SOS1: variants seen among roughly 807,000 people sequenced by gnomAD.
SOS1 encodes SOS Ras/Rac guanine nucleotide exchange factor 1, also known as son of sevenless homolog 1.
In SOS1, 25 loss-of-function variants were observed where a neutral mutation model predicts 157.6. That is an observed-to-expected ratio of 0.16 (90% CI 0.12 to 0.22). The LOEUF (loss-of-function observed/expected upper bound fraction) is 0.22. Ranked by LOEUF, SOS1 falls within the 10% of genes least tolerant of loss-of-function variation. The pLI is 1.00. For missense variants in SOS1, 1,237 were observed against 1,599.1 expected (o/e 0.77, Z 3.86); for synonymous variants, 528 against 534.0 (o/e 0.99, Z 0.16).
chr2:39,068,445 G>A (rs572863859), intron 1 of SOS1, among the ~76,000 whole-genome samples: 50 of 152,284 alleles, frequency 3.3e-4, no homozygotes, highest in Non-Finnish European at 5.9e-4. Flanking sequence ...GCCTCTGACT[G>A]TTGTTTAACT....
At chr2:39,092,249 G>C (rs977730460) in intron 1 of SOS1, among the ~76,000 whole-genome samples, 4 of 152,044 alleles carry the variant, frequency 2.6e-5, no homozygotes, top group African/African-American at 9.7e-5. Flanking sequence ...ACTCAGGCTG[G>C]AGTGTAGTGG....
chr2:39,038,545 C>A (rs1446745307), intron 6 of SOS1, among the ~76,000 whole-genome samples: 3 of 151,288 alleles, frequency 2.0e-5, no homozygotes, highest in African/African-American at 7.3e-5. Context: ...ACCATCCTGG[C>A]CAACATGGTG....
In SOS1 at chr2:39,120,543, T is replaced by A; in HGVS notation, c.-121A>T. 9.3e-7 allele frequency: 1 copy of A among 1,073,264 alleles called. No homozygotes were observed. Among genetic ancestry groups the A allele is most frequent in the Non-Finnish European group, 1.1e-6 (1 of 886,166 alleles). The allele number at this position is 1,073,264 out of a possible 1,614,324, so 66.5% of individuals were successfully genotyped here. ...GGCCCCACCGGACGGCCCGGCCCCCTCCGGGCGCCGCGCAGCCGGGCTAGC... is the reference window on the plus strand; with the variant it reads ...GGCCCCACCGGACGGCCCGGCCCCCACCGGGCGCCGCGCAGCCGGGCTAGC... On this transcript the variant is annotated 5_prime_UTR_variant, in exon 1 of 23. Transcript: ENST00000402219.
intron 1 of SOS1, among the ~76,000 whole-genome samples, chr2:39,073,044 T>C (rs780398317): frequency 6.6e-6 from 1 of 152,218 alleles, no homozygotes; most frequent in South Asian, 2.1e-4. Context: ...ATTTCACATG[T>C]AGGCAGAATA....
chr2:39,113,731 G>A (rs1382079878), intron 1 of SOS1, among the ~76,000 whole-genome samples: 1 of 152,098 alleles, frequency 6.6e-6, no homozygotes, highest in Non-Finnish European at 1.5e-5. Context: ...AAATCCCATT[G>A]CTTTGTGTTC....
At chr2:39,116,154 T>A (rs984823241) in intron 1 of SOS1, among the ~76,000 whole-genome samples, 2 of 145,138 alleles carry the variant, frequency 1.4e-5, no homozygotes, top group African/African-American at 5.2e-5. Flanking sequence ...CAACAACCAA[T>A]AGCCAGTTGG....
intron 8 of SOS1, among the ~76,000 whole-genome samples, chr2:39,025,754 C>A (rs1443692521): frequency 1.3e-5 from 2 of 152,154 alleles, no homozygotes; most frequent in Admixed American, 6.5e-5. Flanking sequence ...AGGTCAACAA[C>A]ACATTCCTTT....
At position 39,120,318 on chromosome 2, in the gene SOS1, G is replaced by C. The variant is rs189109845; in HGVS notation, c.87+18C>G. ...TGGGGGGCTGCGGCCGGGAAGCGGG[G>C]TCCCGCGTGCTCCTCACCTTTTTCA... On this transcript the variant is annotated intron_variant, in intron 1 of 22. Transcript: ENST00000402219. 3.2e-6 allele frequency: 5 copies of C among 1,561,898 alleles called. No individual in the cohort carries two copies. Among genetic ancestry groups the C allele is most frequent in the Non-Finnish European group, 4.3e-6 (5 of 1,153,818 alleles).
At chr2:39,080,816 A>G (rs1452781567) in intron 1 of SOS1, among the ~76,000 whole-genome samples, 2 of 152,172 alleles carry the variant, frequency 1.3e-5, no homozygotes, top group East Asian at 1.9e-4. Flanking sequence ...TCAATAAATA[A>G]TATTTTATAA....
intron 12 of SOS1, 148 bp from the exon 13 acceptor site, chr2:39,013,711 C>T (rs1358556247): frequency 1.1e-6 from 1 of 881,354 alleles, no homozygotes; most frequent in Non-Finnish European, 1.9e-6. Flanking sequence ...TATGTTAAGG[C>T]TTATACTATA....
chr2:38,985,689 T>C lies in SOS1; in HGVS notation c.*135A>G. On this transcript the variant is annotated 3_prime_UTR_variant, in exon 23 of 23. Coordinates refer to ENST00000402219, the MANE Select transcript of SOS1 (RefSeq NM_005633.4). ...TACATCTAGGTTAAAATTCATTGTC[T>C]TATACTGCATCTTGAAGAAGAGTCG... The C allele has an allele frequency of 9.8e-7, 1 of 1,025,044 alleles. No homozygotes were observed. The highest frequency in any genetic ancestry group is 1.5e-6 in the Non-Finnish European group (1 of 650,672). The allele number at this position is 1,025,044 out of a possible 1,614,324, so 63.5% of individuals were successfully genotyped here. A position where few individuals can be genotyped will look rare whatever the true frequency, so the allele number is the denominator to read the frequency against.
At chr2:39,045,251 A>AGGGG (rs879415259) in intron 6 of SOS1, among the ~76,000 whole-genome samples, 79 of 120,126 alleles carry the variant, frequency 6.6e-4, no homozygotes, top group African/African-American at 1.7e-3. Context: ...AGGGAGAGAG[A>AGGGG]GAGAGAGAGA....
In SOS1 at chr2:38,985,365, T is replaced by C. The variant is rs1204224927; in HGVS notation, c.*459A>G. On this transcript the variant is annotated 3_prime_UTR_variant, in exon 23 of 23. Transcript: ENST00000402219. ...TTGAGTGATTTTTAAGAAAATATTC[T>C]AAAGTAGAAGAGTAAAGCAAAGGAA... The C allele has an allele frequency of 5.2e-6, 1 of 193,220 alleles. No homozygotes were observed. Among genetic ancestry groups the C allele is most frequent in the Non-Finnish European group, 1.1e-5 (1 of 92,626 alleles). 12.0% of individuals were successfully genotyped at this position (193,220 alleles called of 1,614,324 possible).
intron 15 of SOS1, among the ~76,000 whole-genome samples, chr2:39,009,300 C>T (rs947188158): frequency 6.6e-6 from 1 of 151,720 alleles, no homozygotes; most frequent in African/African-American, 2.4e-5. Context: ...TGTTCAAAAA[C>T]GAAGGTAAAA....
intron 2 of SOS1, among the ~76,000 whole-genome samples, chr2:39,061,907 T>C (rs555165141): frequency 6.6e-6 from 1 of 152,224 alleles, no homozygotes; most frequent in South Asian, 2.1e-4. Context: ...TCTTCTCCTT[T>C]ACATAATAAA....
intron 17 of SOS1, among the ~76,000 whole-genome samples, chr2:39,000,469 C>T (rs577099726): frequency 6.6e-6 from 1 of 151,872 alleles, no homozygotes; most frequent in Admixed American, 6.6e-5. Context: ...AGTCTAGTTA[C>T]TCCTGTACTT....
rs146351219 is a variant in SOS1, at chr2:39,104,243, T to G, written c.87+16093A>C. Among the ~76,000 whole-genome samples, 33 of 152,196 alleles carry G rather than the reference T, an allele frequency of 2.2e-4. 1 individual carries two copies. The East Asian group carries it at 6.4e-3, about 29-fold the overall frequency. On this transcript the variant is annotated intron_variant, in intron 1 of 22. Transcript: ENST00000402219. ...GTTGCAGTGAGCCTAGATCACACCATCACACTCCAGCCTGGGGGACAACAG... is the reference window on the plus strand; with the variant it reads ...GTTGCAGTGAGCCTAGATCACACCAGCACACTCCAGCCTGGGGGACAACAG...
intron 5 of SOS1, 67 bp from the exon 6 acceptor site, chr2:39,051,354 C>A (rs1671010862): frequency 7.0e-7 from 1 of 1,420,620 alleles, no homozygotes; most frequent in Non-Finnish European, 9.9e-7. Flanking sequence ...AATTTTGAGC[C>A]AATAAGTCAT....
chr2:39,110,553 A>AC (rs1211354226), intron 1 of SOS1, among the ~76,000 whole-genome samples: 1 of 152,172 alleles, frequency 6.6e-6, no homozygotes, highest in Non-Finnish European at 1.5e-5. Flanking sequence ...GAGCAATAAA[A>AC]AAAAAAAAAA....
Sources: gnomAD v4.1 joint callset for allele counts (sites outside exome capture counted in the v4.1 genomes callset) on GRCh38, gnomAD v4.1.1 for gene constraint, MANE v1.5 for transcripts, NCBI Gene and HGNC (gene_info 2026-07-23, HGNC 2026-07-21) for gene names.